The following ZNF423 variants were observed in gnomAD, a reference collection of about 807,000 sequenced individuals.
ZNF423 encodes the protein Ebf-associated zinc finger protein.
Under a neutral mutation model 95.8 loss-of-function variants are expected in ZNF423, and 12 were observed. The ratio of observed to expected loss-of-function variants is 0.13; its 90% CI spans 0.08 to 0.20. ZNF423 has a LOEUF of 0.20. ZNF423 is among the 10% of genes least tolerant of loss of function. The pLI, the probability that ZNF423 is intolerant of heterozygous loss-of-function variation, is 1.00. For synonymous variants in ZNF423, 749 were observed against 711.9 expected (o/e 1.05, Z -0.83); for missense variants, 1,316 against 1,737.1 (o/e 0.76, Z 4.31).
intron 5 of ZNF423, among the ~76,000 whole-genome samples, chr16:49,550,921 C>G (rs1291937383): frequency 6.6e-6 from 1 of 152,264 alleles, no homozygotes; most frequent in African/African-American, 2.4e-5. Context: ...GTGGGCCTCC[C>G]TTCGCAGGTA....
chr16:49,587,374 G>A (rs1018183891), intron 5 of ZNF423, among the ~76,000 whole-genome samples: 1 of 152,192 alleles, frequency 6.6e-6, no homozygotes, highest in Non-Finnish European at 1.5e-5. Context: ...ATAACCTGAG[G>A]TGCCACAGAC....
chr16:49,541,982 A>G (rs141211792), intron 5 of ZNF423, among the ~76,000 whole-genome samples: 119 of 152,358 alleles, frequency 7.8e-4, no homozygotes, highest in African/African-American at 2.7e-3. Context: ...GCGAAGTAAT[A>G]CACTACAATA....
intron 5 of ZNF423, among the ~76,000 whole-genome samples, chr16:49,616,186 G>C (rs999245491): frequency 7.9e-5 from 12 of 152,148 alleles, no homozygotes; most frequent in African/African-American, 2.4e-4. Context: ...ACTTGGAACT[G>C]GGGGACATTA....
rs528766770 is a variant in ZNF423 at position 49,784,460 on chromosome 16, T to C, written c.100+5027A>G. On this transcript the variant is annotated intron_variant, in intron 2 of 7. Coordinates refer to ENST00000563137, the MANE Select transcript of ZNF423 (RefSeq NM_001379286.1). ...AAACAACCAAAATGTCAATCAACAA[T>C]ACCCAAACAAAATGTGGTCCTCCCA... 2.2e-4 allele frequency among the ~76,000 whole-genome samples: 33 copies of C among 152,246 alleles called. No individual in the cohort carries two copies. In the East Asian group the frequency reaches 5.6e-3, roughly 26 times the overall value.
chr16:49,812,658 C>G (rs144783626), intron 1 of ZNF423, among the ~76,000 whole-genome samples: 8 of 152,148 alleles, frequency 5.3e-5, no homozygotes, highest in African/African-American at 7.2e-5. Flanking sequence ...CCAGCCTGGG[C>G]AACAGCGTGA....
intron 5 of ZNF423, among the ~76,000 whole-genome samples, chr16:49,557,813 G>A (rs1285520346): frequency 3.9e-5 from 6 of 152,164 alleles, no homozygotes; most frequent in Non-Finnish European, 8.8e-5. Context: ...AGGAGGAAGA[G>A]CCTCCATCCT....
At chr16:49,792,368 A>G (rs561462869) in intron 1 of ZNF423, among the ~76,000 whole-genome samples, 38 of 152,294 alleles carry the variant, frequency 2.5e-4, no homozygotes, top group South Asian at 1.2e-3. Context: ...AACACCCAAC[A>G]TTTTGGAGCT....
intron 5 of ZNF423, among the ~76,000 whole-genome samples, chr16:49,611,750 A>G (rs1390618479): frequency 6.6e-6 from 1 of 151,972 alleles, no homozygotes; most frequent in Admixed American, 6.6e-5. Flanking sequence ...TAAGAAAACT[A>G]ACAAAAAAAG....
At chr16:49,641,895 A>C (rs1349893214) in intron 3 of ZNF423, among the ~76,000 whole-genome samples, 1 of 152,180 alleles carries the variant, frequency 6.6e-6, no homozygotes, top group Admixed American at 6.5e-5. Flanking sequence ...TTCTGACATG[A>C]GGGAAATGGT....
chr16:49,496,297 C>T (rs1414028427), intron 7 of ZNF423, among the ~76,000 whole-genome samples: 1 of 152,218 alleles, frequency 6.6e-6, no homozygotes, highest in Non-Finnish European at 1.5e-5. Flanking sequence ...TTTGTCCCCT[C>T]CAAATCTCAT....
rs1211045896 is a variant in ZNF423, at chr16:49,842,410, AAGGCAGGCAGGCAGGC to A, written c.40+13309_40+13324del. On this transcript the variant is annotated intron_variant, in intron 1 of 7. Coordinates refer to ENST00000563137, the MANE Select transcript of ZNF423 (RefSeq NM_001379286.1). Reference sequence around the variant, plus strand: ...GAAGGAAGGAAGGAAGGAAGGAAGGAAGGCAGGCAGGCAGGCAGGCAGGCAGGCAGGCAGGCAGGCC... The same window carrying A: ...GAAGGAAGGAAGGAAGGAAGGAAGGAAGGCAGGCAGGCAGGCAGGCAGGCC... Among the ~76,000 whole-genome samples, 41 of 77,956 alleles carry A rather than the reference AAGGCAGGCAGGCAGGC, an allele frequency of 5.3e-4. 2 individuals are homozygous for A. Among genetic ancestry groups the A allele is most frequent in the African/African-American group, 1.5e-3 (35 of 22,718 alleles). 51.1% of individuals were successfully genotyped at this position (77,956 alleles called of 152,430 possible). A position where few individuals can be genotyped will look rare whatever the true frequency, so the allele number is the denominator to read the frequency against.
At position 49,740,004 on chromosome 16, in the gene ZNF423, G is replaced by A. The variant is rs1049073432; in HGVS notation, c.101-9033C>T. 8.6e-5 allele frequency among the ~76,000 whole-genome samples: 13 copies of A among 151,994 alleles called. No individual in the cohort carries two copies. In the East Asian group the frequency reaches 1.2e-3, roughly 14 times the overall value. The stretch of plus-strand genomic sequence containing the variant: ...CTCCCGAGTAGCTGGGATTACAGGC[G>A]CCTGCCAACGCACTCGGCTAGACCC... On this transcript the variant is annotated intron_variant, in intron 2 of 7. Transcript: ENST00000563137.
chr16:49,525,821 G>A (rs1246949045), intron 5 of ZNF423, among the ~76,000 whole-genome samples: 1 of 152,242 alleles, frequency 6.6e-6, no homozygotes, highest in Non-Finnish European at 1.5e-5. Context: ...AGGCACCCAG[G>A]ATGAGGTACA....
intron 2 of ZNF423, chr16:49,731,397 C>T: frequency 1.0e-6 from 1 of 985,364 alleles, no homozygotes; most frequent in Non-Finnish European, 1.2e-6. Context: ...GCCAAGTTCG[C>T]CTTCCACACA....
chr16:49,546,086 A>C (rs1969428269), intron 5 of ZNF423, among the ~76,000 whole-genome samples: 1 of 152,242 alleles, frequency 6.6e-6, no homozygotes, highest in South Asian at 2.1e-4. Flanking sequence ...GAACATAAGC[A>C]GAATGAGAAC....
intron 2 of ZNF423, among the ~76,000 whole-genome samples, chr16:49,745,117 T>TA (rs898839495): frequency 3.4e-4 from 51 of 149,458 alleles, no homozygotes; most frequent in Admixed American, 2.3e-3. Flanking sequence ...TGCTTTTGTT[T>TA]AAAAAAAAAA....
At chr16:49,757,664 G>C (rs999678658) in intron 2 of ZNF423, among the ~76,000 whole-genome samples, 2 of 152,174 alleles carry the variant, frequency 1.3e-5, no homozygotes, top group Non-Finnish European at 2.9e-5. Context: ...CCCCTTGGGT[G>C]GGGTGAGGAG....
At chr16:49,809,043 G>T (rs1269300253) in intron 1 of ZNF423, among the ~76,000 whole-genome samples, 3 of 152,248 alleles carry the variant, frequency 2.0e-5, no homozygotes, top group African/African-American at 7.2e-5. Flanking sequence ...AACCACATCT[G>T]TCTCATCCCA....
intron 5 of ZNF423, among the ~76,000 whole-genome samples, chr16:49,527,167 C>T (rs747366341): frequency 2.6e-5 from 4 of 152,030 alleles, no homozygotes; most frequent in Admixed American, 1.3e-4. Flanking sequence ...ACCGCAGAGG[C>T]GCACACACAC....
Sources: allele counts gnomAD v4.1 joint callset (sites outside exome capture counted in the v4.1 genomes callset), GRCh38; gene constraint gnomAD v4.1.1; transcripts MANE v1.5; gene names NCBI Gene and HGNC (gene_info 2026-07-23, HGNC 2026-07-21).